Variants in TBC1D22B observed in about 807,000 individuals in gnomAD.
TBC1D22B encodes TBC1 domain family member 22B.
In TBC1D22B, 32 loss-of-function variants were observed where a neutral mutation model predicts 69.1. The ratio of observed to expected loss-of-function variants is 0.46; its 90% CI spans 0.35 to 0.62. The LOEUF (loss-of-function observed/expected upper bound fraction) is 0.62. Among genes scored for constraint, TBC1D22B ranks in the 20% least tolerant of loss-of-function variants. The pLI, the probability that TBC1D22B is intolerant of heterozygous loss-of-function variation, is 0.00. For synonymous variants in TBC1D22B, 206 were observed against 229.8 expected (o/e 0.90, Z 0.94); for missense variants, 462 against 630.9 (o/e 0.73, Z 2.87).
At chr6:37,282,132 A>G in intron 3 of TBC1D22B, 53 bp from the exon 4 acceptor site, 1 of 1,592,368 alleles carries the variant, frequency 6.3e-7, no homozygotes, top group East Asian at 2.2e-5. Context: ...AAGGCTTCTC[A>G]GAATCCATAC....
chr6:37,320,272 G>A (rs1168914272), intron 12 of TBC1D22B, among the ~76,000 whole-genome samples: 1 of 152,122 alleles, frequency 6.6e-6, no homozygotes, highest in African/African-American at 2.4e-5. Flanking sequence ...ACTGCCTGGG[G>A]TCGGATCCCA....
intron 10 of TBC1D22B, among the ~76,000 whole-genome samples, chr6:37,315,712 A>G (rs1768057086): frequency 6.6e-6 from 1 of 152,030 alleles, no homozygotes. Context: ...AGTTGCTGGA[A>G]TTATAGGTGC....
intron 7 of TBC1D22B, among the ~76,000 whole-genome samples, chr6:37,287,900 G>T (rs7773273): frequency 0.032 from 4,851 of 152,296 alleles, 242 homozygotes; most frequent in African/African-American, 0.11. Context: ...AGAAGTGGGA[G>T]TAGTAGTTAT....
At chr6:37,281,628 C>G (rs1255655290) in intron 3 of TBC1D22B, among the ~76,000 whole-genome samples, 1 of 152,172 alleles carries the variant, frequency 6.6e-6, no homozygotes, top group Non-Finnish European at 1.5e-5. Flanking sequence ...GTCCTTGGAG[C>G]AGCTGGGGGT....
chr6:37,301,159 G>A (rs778356091), intron 8 of TBC1D22B, among the ~76,000 whole-genome samples: 14 of 152,102 alleles, frequency 9.2e-5, no homozygotes, highest in Non-Finnish European at 1.6e-4. Flanking sequence ...GTAGGAGTGG[G>A]GAACCTTTTA....
chr6:37,280,026 C>G (rs1327963581), intron 3 of TBC1D22B, among the ~76,000 whole-genome samples: 1 of 152,172 alleles, frequency 6.6e-6, no homozygotes, highest in African/African-American at 2.4e-5. Context: ...CTTTCTCAGC[C>G]CTAGGGAACA....
intron 2 of TBC1D22B, among the ~76,000 whole-genome samples, chr6:37,271,867 T>C (rs1766496373): frequency 6.6e-6 from 1 of 151,484 alleles, no homozygotes; most frequent in Non-Finnish European, 1.5e-5. Flanking sequence ...TTTTTTTTTT[T>C]TTAAATCAGA....
chr6:37,307,697 T>TCAA (rs984412315), intron 8 of TBC1D22B, among the ~76,000 whole-genome samples: 1 of 152,002 alleles, frequency 6.6e-6, no homozygotes, highest in Non-Finnish European at 1.5e-5. Flanking sequence ...TGAGTCCGGT[T>TCAA]CAACAACAAC....
chr6:37,281,183 A>G (rs1766815220), intron 3 of TBC1D22B, among the ~76,000 whole-genome samples: 1 of 152,232 alleles, frequency 6.6e-6, no homozygotes, highest in Non-Finnish European at 1.5e-5. Context: ...GGCTTACCTA[A>G]GGTGGTTTTT....
intron 8 of TBC1D22B, among the ~76,000 whole-genome samples, chr6:37,292,314 C>G (rs1377908149): frequency 6.6e-6 from 1 of 152,020 alleles, no homozygotes; most frequent in Non-Finnish European, 1.5e-5. Flanking sequence ...AGAGTGGAAC[C>G]CTTTGGAGAG....
chr6:37,293,660 C>A (rs537410583), intron 8 of TBC1D22B, among the ~76,000 whole-genome samples: 58 of 152,164 alleles, frequency 3.8e-4, no homozygotes, highest in Non-Finnish European at 7.1e-4. Context: ...TTACATGTCT[C>A]TCACTTTAAA....
chr6:37,326,841 T>A (rs532211308), intron 12 of TBC1D22B, among the ~76,000 whole-genome samples: 43 of 152,280 alleles, frequency 2.8e-4, no homozygotes, highest in African/African-American at 1.0e-3. Context: ...TCACAAATTT[T>A]AAAAAAATTG....
intron 12 of TBC1D22B, among the ~76,000 whole-genome samples, chr6:37,329,239 A>C (rs577816558): frequency 6.6e-6 from 1 of 152,222 alleles, no homozygotes; most frequent in Non-Finnish European, 1.5e-5. Context: ...AAGTGGGATC[A>C]TACTGTAAAT....
chr6:37,314,812 T>C (rs1390335085), intron 10 of TBC1D22B, among the ~76,000 whole-genome samples: 1 of 149,812 alleles, frequency 6.7e-6, no homozygotes, highest in Non-Finnish European at 1.5e-5. Flanking sequence ...CTTTCTCTCT[T>C]CTTTCCCAGG....
intron 1 of TBC1D22B, among the ~76,000 whole-genome samples, chr6:37,264,986 G>A (rs1317458901): frequency 1.3e-5 from 2 of 152,152 alleles, no homozygotes; most frequent in African/African-American, 4.8e-5. Flanking sequence ...GGCTCTTCTG[G>A]TCTATCTCCA....
chr6:37,283,828 T>A (rs1177418993), intron 5 of TBC1D22B, among the ~76,000 whole-genome samples: 2 of 152,246 alleles, frequency 1.3e-5, no homozygotes, highest in East Asian at 3.8e-4. Context: ...TAGCTGTATG[T>A]CACAGATTCC....
intron 7 of TBC1D22B, among the ~76,000 whole-genome samples, chr6:37,289,290 A>G (rs1370272163): frequency 3.3e-5 from 5 of 152,350 alleles, no homozygotes; most frequent in African/African-American, 7.2e-5. Flanking sequence ...ATAATTGCCT[A>G]TAGTATGTAA....
intron 8 of TBC1D22B, among the ~76,000 whole-genome samples, chr6:37,308,377 C>G (rs1244843724): frequency 6.6e-6 from 1 of 152,202 alleles, no homozygotes; most frequent in African/African-American, 2.4e-5. Context: ...TTTGCTCCTC[C>G]CTTTCTCCAC....
intron 8 of TBC1D22B, among the ~76,000 whole-genome samples, chr6:37,309,340 C>T (rs764248501): frequency 6.6e-6 from 1 of 152,234 alleles, no homozygotes; most frequent in South Asian, 2.1e-4. Flanking sequence ...TCCTGTTGCC[C>T]TCAGGAACTG....
Sources: allele counts gnomAD v4.1 joint callset (sites outside exome capture counted in the v4.1 genomes callset), GRCh38; gene constraint gnomAD v4.1.1; transcripts MANE v1.5; gene names NCBI Gene and HGNC (gene_info 2026-07-23, HGNC 2026-07-21).